PHRF1: variants seen among roughly 807,000 people sequenced by gnomAD.
PHRF1 encodes PHD and ring finger domains 1, also known as PHD and RING finger domain-containing protein 1.
In PHRF1, 53 loss-of-function variants were observed where a neutral mutation model predicts 128.9. That is an observed-to-expected ratio of 0.41 (90% confidence interval 0.33 to 0.52). PHRF1 has a LOEUF of 0.52. Ranked by LOEUF, PHRF1 falls within the 20% of genes least tolerant of loss-of-function variation. PHRF1 has a pLI of 0.21. For synonymous variants in PHRF1, 1,178 were observed against 980.6 expected, an observed-to-expected ratio of 1.20 and a Z score of -3.76; for missense variants, 2,503 against 2,284.5, an observed-to-expected ratio of 1.10 and a Z score of -1.95.
chr11:590,543 A>G (rs973749113), intron 4 of PHRF1, among the ~76,000 whole-genome samples: 3 of 152,180 alleles, frequency 2.0e-5, no homozygotes, highest in African/African-American at 4.8e-5. Flanking sequence ...CACAGGTTGT[A>G]TATTTGTCAG....
chr11:583,076 C>A (rs986067483), intron 3 of PHRF1, among the ~76,000 whole-genome samples: 1 of 144,544 alleles, frequency 6.9e-6, no homozygotes, highest in South Asian at 2.2e-4. Flanking sequence ...CGCGGTGGCT[C>A]ACGCCTGTAA....
At chr11:610,422 T>A in intron 15 of PHRF1, 75 bp downstream of exon 15, 1 of 1,543,122 alleles carries the variant, frequency 6.5e-7, no homozygotes, top group East Asian at 2.4e-5. Flanking sequence ...CACACTAGGC[T>A]GGGGCTGAGG....
At chr11:589,903 C>T (rs1245194813) in intron 4 of PHRF1, among the ~76,000 whole-genome samples, 5 of 147,390 alleles carry the variant, frequency 3.4e-5, no homozygotes, top group African/African-American at 7.8e-5. Context: ...GGGCATGGAG[C>T]GTGCAGGGTT....
At chr11:578,583 C>G (rs2134158287) in intron 1 of PHRF1, among the ~76,000 whole-genome samples, 1 of 152,334 alleles carries the variant, frequency 6.6e-6, no homozygotes, top group East Asian at 1.9e-4. Context: ...GAGGTGGTCC[C>G]CAATCTCAGT....
intron 3 of PHRF1, among the ~76,000 whole-genome samples, chr11:586,966 A>C (rs751574653): frequency 5.9e-5 from 9 of 152,040 alleles, no homozygotes; most frequent in Admixed American, 1.3e-4. Context: ...CTGCCTCTCG[A>C]GGTCTGCCTC....
chr11:611,481 A>G (rs1171029734), intron 17 of PHRF1, among the ~76,000 whole-genome samples, 153 bp from the exon 18 acceptor site: 1 of 152,038 alleles, frequency 6.6e-6, no homozygotes, highest in Non-Finnish European at 1.5e-5. Flanking sequence ...GGTCTCACAT[A>G]GGTGGGGCGG....
intron 6 of PHRF1, among the ~76,000 whole-genome samples, chr11:592,988 T>C (rs1855071596): frequency 6.6e-6 from 1 of 152,210 alleles, no homozygotes; most frequent in African/African-American, 2.4e-5. Flanking sequence ...GGTCCCGGCC[T>C]TTGTGGGGGA....
rs368945407 is a variant in PHRF1, at chr11:608,413, A to C, written c.2957A>C (p.Glu986Ala). Residue 986 changes from glutamate to alanine, a missense_variant, in exon 14 of 18, where the codon GAG becomes GCG. Transcript: ENST00000264555. ...CAGGCTGCCACCCACAGAGTCGTGGAGCTCAGGCCCCCTTCCCGGTCCCGC... is the reference window on the plus strand; with the variant it reads ...CAGGCTGCCACCCACAGAGTCGTGGCGCTCAGGCCCCCTTCCCGGTCCCGC... ...VLQAATHRVV[E>A]LRPPSRSRST... 10 of 1,606,116 alleles carry C rather than the reference A, an allele frequency of 6.2e-6. No homozygotes were observed. The highest frequency in any genetic ancestry group is 1.3e-5 in the African/African-American group (1 of 74,798).
At chr11:606,967 G>A (rs1053633411) in intron 13 of PHRF1, 99 bp from the exon 14 acceptor site, 32 of 1,496,790 alleles carry the variant, frequency 2.1e-5, no homozygotes, top group South Asian at 2.7e-5. Flanking sequence ...AGTTTAAAGC[G>A]CACGACCTCA....
At position 608,825 on chromosome 11, in the gene PHRF1, C is replaced by T. The variant is rs1467749082; in HGVS notation, c.3369C>T (p.Cys1123=). 1.9e-6 allele frequency: 3 copies of T among 1,611,984 alleles called. No individual in the cohort carries two copies. Among genetic ancestry groups the T allele is most frequent in the African/African-American group, 2.7e-5 (2 of 74,900 alleles). ...RSASRPRGRE[C]SPTSSLERLC... ...CGTCCAGACCTCGGGGAAGGGAGTG[C>T]TCCCCCACCAGCAGCCTGGAGAGGC... The change falls in exon 14 of 18, where the codon TGC becomes TGT. Residue 1123 remains cysteine, a synonymous_variant. Transcript: ENST00000264555.
chr11:601,288 G>T (rs1008920022), intron 9 of PHRF1, among the ~76,000 whole-genome samples: 4 of 152,072 alleles, frequency 2.6e-5, no homozygotes, highest in Non-Finnish European at 4.4e-5. Flanking sequence ...AATTAGCTGG[G>T]CACGGTGGTG....
intron 6 of PHRF1, among the ~76,000 whole-genome samples, chr11:593,551 C>G (rs749812248): frequency 6.6e-6 from 1 of 152,278 alleles, no homozygotes; most frequent in Non-Finnish European, 1.5e-5. Context: ...CCACCTGTCA[C>G]CTCGTTGTTA....
In PHRF1 at chr11:597,531, C is replaced by T. The variant is rs200637009; in HGVS notation, c.855C>T (p.Thr285=). The T allele has an allele frequency of 2.4e-5, 38 of 1,612,184 alleles. No individual in the cohort carries two copies. The highest frequency in any genetic ancestry group is 2.0e-4 in the African/African-American group (15 of 74,876). Residue 285 remains threonine (T), a synonymous_variant, in exon 8 of 18, where the codon ACC becomes ACT. Transcript: ENST00000264555. This position sits in a 1 kb window ranked among gnomAD's most constrained non-coding sequence, Gnocchi z 6.5. The part of the protein sequence containing the change: ...RTRQSERVRA[T]VNRNRISTAR... ...GGCAGAGTGAGAGAGTGAGAGCAACCGTGAACCGGAACCGGATCTCCACGG... is the reference window on the plus strand; with the variant it reads ...GGCAGAGTGAGAGAGTGAGAGCAACTGTGAACCGGAACCGGATCTCCACGG...
intron 3 of PHRF1, among the ~76,000 whole-genome samples, chr11:585,625 C>CCTTTCCAGCATGAGGTAGTAGCT (rs1854495582): frequency 1.0e-5 from 1 of 97,842 alleles, no homozygotes; most frequent in Non-Finnish European, 2.2e-5. Context: ...AGGTAGTAGC[C>CCTTTCCAGCATGAGGTAGTAGCT]CTTTCCAGCT....
At chr11:598,643 A>T (rs1234055146) in intron 9 of PHRF1, 141 bp downstream of exon 9, 1 of 1,323,472 alleles carries the variant, frequency 7.6e-7, no homozygotes, top group African/African-American at 1.5e-5. Flanking sequence ...AACACTACAC[A>T]GAAGCCGCGC....
chr11:579,653 C>G (rs1854096057), intron 1 of PHRF1, among the ~76,000 whole-genome samples: 1 of 152,210 alleles, frequency 6.6e-6, no homozygotes. Flanking sequence ...CCACCAAGCA[C>G]CAGGGGTGCA....
chr11:602,302 G>T (rs770827847), intron 10 of PHRF1, among the ~76,000 whole-genome samples: 1 of 152,124 alleles, frequency 6.6e-6, no homozygotes, highest in Non-Finnish European at 1.5e-5. Flanking sequence ...TGTCATTCGT[G>T]TGCATGTTTG....
rs903731393 is a variant in PHRF1 at position 596,834 on chromosome 11, G to A, written c.621-89G>A. On this transcript the variant is annotated intron_variant, in intron 6 of 17. Transcript: ENST00000264555. ...ATGCATCGCAGACTTGGGTGCCATC[G>A]GAGGCCTGCTTTGTGGTCCCCTCAC... The A allele has an allele frequency of 8.7e-6, 10 of 1,145,960 alleles. No individual in the cohort carries two copies. In the Admixed American group the frequency reaches 9.0e-5, roughly 10 times the overall value. The allele number at this position is 1,145,960 out of a possible 1,614,324, so 71.0% of individuals were successfully genotyped here. A position where few individuals can be genotyped will look rare whatever the true frequency, so the allele number is the denominator to read the frequency against.
intron 3 of PHRF1, among the ~76,000 whole-genome samples, chr11:582,656 C>G (rs1854276135): frequency 6.6e-6 from 1 of 151,968 alleles, no homozygotes; most frequent in Admixed American, 6.6e-5. Context: ...TCCCGAGTAG[C>G]TGGGACTACA....
Sources: allele counts gnomAD v4.1 joint callset (sites outside exome capture counted in the v4.1 genomes callset), GRCh38; gene constraint gnomAD v4.1.1; non-coding constraint Gnocchi (gnomAD v3.1); transcripts MANE v1.5; gene names NCBI Gene and HGNC (gene_info 2026-07-23, HGNC 2026-07-21).